The following SATL1 variants were observed in gnomAD, a reference collection of about 807,000 sequenced individuals.
SATL1 encodes spermidine/spermine N1-acetyl transferase like 1.
Under a neutral mutation model 51.8 loss-of-function variants are expected in SATL1, and 47 were observed. The observed-to-expected ratio is 0.91, with a 90% CI of 0.72 to 1.16. SATL1 has a LOEUF of 1.16. Among genes scored for constraint, SATL1 ranks in the 50% most tolerant of loss-of-function variants. The probability of loss-of-function intolerance (pLI) is 0.00; values close to 1 mark genes in which losing one functional copy is unlikely to be tolerated. For missense variants in SATL1, 520 were observed against 526.4 expected, an observed-to-expected ratio of 0.99 and a Z score of 0.12; for synonymous variants, 176 against 182.4, an observed-to-expected ratio of 0.97 and a Z score of 0.28.
At chrX:85,101,441 A>G (rs1032684256) in intron 4 of SATL1, among the ~76,000 whole-genome samples, 8 of 112,579 alleles carry the variant, frequency 7.1e-5, no homozygotes, top group African/African-American at 2.6e-4. Flanking sequence ...AAGGTGTTCA[A>G]CATCACTAAT....
At chrX:85,096,779 A>G (rs1924733967) in intron 4 of SATL1, among the ~76,000 whole-genome samples, 1 of 109,477 alleles carries the variant, frequency 9.1e-6, no homozygotes, top group Non-Finnish European at 1.9e-5. Context: ...ACTGTCAACT[A>G]AGAATTTTAT....
chrX:85,126,937 A>T (rs1295413530), intron 2 of SATL1, among the ~76,000 whole-genome samples: 1 of 110,419 alleles, frequency 9.1e-6, no homozygotes, highest in Non-Finnish European at 1.9e-5. Flanking sequence ...ATGTATCAAA[A>T]TTCAAAGTTA....
intron 1 of SATL1, among the ~76,000 whole-genome samples, chrX:85,227,007 T>C (rs1422859820): frequency 9.0e-6 from 1 of 111,586 alleles, no homozygotes; most frequent in Non-Finnish European, 1.9e-5. Context: ...GCCTTTTTCT[T>C]GCTTGAGTTC....
intron 1 of SATL1, among the ~76,000 whole-genome samples, chrX:85,237,022 G>T (rs766124903): frequency 2.7e-5 from 3 of 111,127 alleles, no homozygotes; most frequent in South Asian, 7.5e-4. Context: ...ATCTGAAAAA[G>T]AAATTTTTTA....
intron 4 of SATL1, among the ~76,000 whole-genome samples, chrX:85,102,986 G>T (rs1924936714): frequency 1.8e-5 from 2 of 111,316 alleles, no homozygotes; most frequent in African/African-American, 3.3e-5. Flanking sequence ...GTTTCAGTTT[G>T]AGTACTGCTT....
At chrX:85,165,840 C>A (rs928551786) in intron 2 of SATL1, among the ~76,000 whole-genome samples, 1 of 111,404 alleles carries the variant, frequency 9.0e-6, no homozygotes, top group African/African-American at 3.3e-5. Flanking sequence ...ACAAAAAGAA[C>A]AAATCTAGAG....
chrX:85,134,138 A>AATATATATGTATGTGTGTATGT (rs1892916129), intron 2 of SATL1, among the ~76,000 whole-genome samples: 1 of 110,116 alleles, frequency 9.1e-6, no homozygotes, highest in African/African-American at 3.3e-5. Flanking sequence ...AGCATCTACA[A>AATATATATGTATGTGTGTATGT]ATATATATGT....
chrX:85,167,510 T>A (rs1926868794), intron 2 of SATL1, among the ~76,000 whole-genome samples: 1 of 111,403 alleles, frequency 9.0e-6, no homozygotes, highest in South Asian at 3.7e-4. Flanking sequence ...TATGAACACA[T>A]CTATGCACAC....
chrX:85,095,072 G>T, intron 4 of SATL1, 76 bp from the exon 5 acceptor site: 1 of 560,242 alleles, frequency 1.8e-6, no homozygotes, highest in East Asian at 3.6e-5. Context: ...GGAAGCACTA[G>T]GAATTTCTCT....
intron 2 of SATL1, among the ~76,000 whole-genome samples, chrX:85,162,927 G>A (rs888799469): frequency 9.1e-6 from 1 of 110,435 alleles, no homozygotes; most frequent in Non-Finnish European, 1.9e-5. Flanking sequence ...TTGATACGCT[G>A]TTGGATTCAG....
At chrX:85,113,764 G>A (rs1602841986) in intron 2 of SATL1, among the ~76,000 whole-genome samples, 1 of 111,823 alleles carries the variant, frequency 8.9e-6, no homozygotes, top group African/African-American at 3.3e-5. Context: ...TGGCTTTGAT[G>A]GAACTTTGTT....
At chrX:85,230,285 A>G (rs1285765248) in intron 1 of SATL1, among the ~76,000 whole-genome samples, 1 of 112,026 alleles carries the variant, frequency 8.9e-6, no homozygotes, top group Non-Finnish European at 1.9e-5. Flanking sequence ...CAACCAATTG[A>G]TCTTCAATAA....
At chrX:85,178,798 A>G (rs1458917916) in intron 2 of SATL1, among the ~76,000 whole-genome samples, 1 of 111,423 alleles carries the variant, frequency 9.0e-6, no homozygotes, top group Non-Finnish European at 1.9e-5. Context: ...ATGAAAGAAC[A>G]AGAATTATTG....
chrX:85,194,694 TA>T lies in SATL1; in HGVS notation c.-313+29510del, dbSNP rs777682168. ...TACACCATGGAATACCATACAGCCA[TA>T]AAAAAGGATGAGTTCATGTCCTTTG... On this transcript the variant is annotated intron_variant, in intron 2 of 7. Coordinates refer to ENST00000644105, the MANE Select transcript of SATL1 (RefSeq NM_001367857.2). 4.0e-4 allele frequency among the ~76,000 whole-genome samples: 44 copies of T among 110,250 alleles called. No homozygotes were observed. In the Admixed American group the frequency reaches 4.1e-3, roughly 10 times the overall value.
At chrX:85,181,073 G>A (rs1486514926) in intron 2 of SATL1, among the ~76,000 whole-genome samples, 1 of 107,081 alleles carries the variant, frequency 9.3e-6, no homozygotes, top group Non-Finnish European at 1.9e-5. Flanking sequence ...CCTGAAAAAC[G>A]TAAGTGAAAA....
chrX:85,169,149 A>T (rs1926914215), intron 2 of SATL1, among the ~76,000 whole-genome samples: 1 of 112,345 alleles, frequency 8.9e-6, no homozygotes, highest in African/African-American at 3.2e-5. Context: ...TAAATGTAAA[A>T]CCCAAAAGTA....
chrX:85,215,093 G>A (rs1928013354), intron 2 of SATL1, among the ~76,000 whole-genome samples: 1 of 111,878 alleles, frequency 8.9e-6, no homozygotes, highest in Admixed American at 9.5e-5. Flanking sequence ...TGCATTCTGA[G>A]CACCTGTGGA....
At chrX:85,221,724 C>T (rs2147761279) in intron 2 of SATL1, among the ~76,000 whole-genome samples, 1 of 112,159 alleles carries the variant, frequency 8.9e-6, no homozygotes, top group South Asian at 3.7e-4. Context: ...GAAAGAGTTC[C>T]TGGTTGGTTG....
chrX:85,092,419 T>A lies in SATL1; in HGVS notation c.2060A>T (p.Glu687Val). 8.5e-7 allele frequency: 1 copy of A among 1,182,232 alleles called. No homozygotes were observed. Among genetic ancestry groups the A allele is most frequent in the Non-Finnish European group, 1.1e-6 (1 of 880,712 alleles). Reference protein sequence around the residue: ...GWHLFRFNREELLDMAWEE With the variant: ...GWHLFRFNREVLLDMAWEE Reference sequence around the variant, plus strand: ...TTCTTCCCATGCCATGTCCAGGAGTTCTTCTCTGTTAAACCTGAAGAGATG... The same window carrying A: ...TTCTTCCCATGCCATGTCCAGGAGTACTTCTCTGTTAAACCTGAAGAGATG... The change falls in exon 8 of 8, where the codon GAA (glutamate) becomes GTA (valine). Residue 687 changes from glutamate (E) to valine (V), a missense_variant. By Grantham distance (121) the Glu-to-Val change is moderately radical. This residue lies in a region of SATL1 where 488 missense variants were observed against 474.3 expected (regional missense o/e 1.03). Transcript: ENST00000644105.
Sources: allele counts gnomAD v4.1 joint callset (sites outside exome capture counted in the v4.1 genomes callset), GRCh38; gene constraint gnomAD v4.1.1; regional missense constraint gnomAD v4.1.1; transcripts MANE v1.5; gene names NCBI Gene and HGNC (gene_info 2026-07-23, HGNC 2026-07-21).